Variants in TBC1D4 observed in about 807,000 individuals in gnomAD.
The protein encoded by TBC1D4 is TBC1 domain family member 4, also known as TBC (Tre-2, BUB2, CDC16) domain-containing protein.
Under a neutral mutation model 142.5 loss-of-function variants are expected in TBC1D4, and 121 were observed. The observed-to-expected ratio is 0.85, with a 90% CI of 0.73 to 0.99. The LOEUF is 0.99. Among genes scored for constraint, TBC1D4 ranks in the 50% least tolerant of loss-of-function variants. TBC1D4 has a pLI of 0.00. For synonymous variants in TBC1D4, 630 were observed against 628.2 expected (o/e 1.00, Z -0.04); for missense variants, 1,475 against 1,606.6 (o/e 0.92, Z 1.40).
intron 1 of TBC1D4, among the ~76,000 whole-genome samples, chr13:75,393,005 A>G (rs938779942): frequency 1.3e-5 from 2 of 151,998 alleles, no homozygotes; most frequent in Admixed American, 1.3e-4. Context: ...CTATTTTGCT[A>G]GAATTCCAAA....
At chr13:75,373,604 C>G (rs1883336647) in intron 1 of TBC1D4, among the ~76,000 whole-genome samples, 1 of 152,198 alleles carries the variant, frequency 6.6e-6, no homozygotes, top group Admixed American at 6.5e-5. Flanking sequence ...CCAACCCTCA[C>G]AGTAGAGGTC....
At chr13:75,294,195 T>C (rs1875638437) in intron 18 of TBC1D4, among the ~76,000 whole-genome samples, 1 of 152,170 alleles carries the variant, frequency 6.6e-6, no homozygotes, top group African/African-American at 2.4e-5. Context: ...AAAGGGGACA[T>C]AAACCATGTT....
chr13:75,348,934 G>C (rs1881364668), intron 5 of TBC1D4, among the ~76,000 whole-genome samples: 1 of 145,380 alleles, frequency 6.9e-6, no homozygotes. Context: ...AGAGAGGAGA[G>C]AGAGTAGAGA....
intron 1 of TBC1D4, among the ~76,000 whole-genome samples, chr13:75,471,762 A>G (rs1318857286): frequency 1.3e-5 from 2 of 150,720 alleles, no homozygotes; most frequent in Non-Finnish European, 2.9e-5. Flanking sequence ...GAAAGAAACT[A>G]GACAAAGATC....
chr13:75,371,131 G>C (rs1366652809), intron 1 of TBC1D4, among the ~76,000 whole-genome samples: 1 of 152,146 alleles, frequency 6.6e-6, no homozygotes, highest in African/African-American at 2.4e-5. Flanking sequence ...AAAATGGTGG[G>C]AGCTAAGGAC....
intron 1 of TBC1D4, among the ~76,000 whole-genome samples, chr13:75,474,188 AG>A (rs1317822974): frequency 6.6e-6 from 1 of 152,260 alleles, no homozygotes; most frequent in African/African-American, 2.4e-5. Context: ...TAATATGAGT[AG>A]GAAAAAGTGA....
At chr13:75,410,191 C>T (rs1213494653) in intron 1 of TBC1D4, among the ~76,000 whole-genome samples, 1 of 152,182 alleles carries the variant, frequency 6.6e-6, no homozygotes, top group African/African-American at 2.4e-5. Context: ...GATATATTCA[C>T]ATCACGTCCT....
chr13:75,411,608 C>T (rs985785104), intron 1 of TBC1D4, among the ~76,000 whole-genome samples: 3 of 151,354 alleles, frequency 2.0e-5, no homozygotes, highest in Admixed American at 6.6e-5. Context: ...TCACTGCAAC[C>T]TCTGCCTCCT....
At chr13:75,412,781 A>T (rs1202370889) in intron 1 of TBC1D4, among the ~76,000 whole-genome samples, 1 of 152,266 alleles carries the variant, frequency 6.6e-6, no homozygotes, top group Non-Finnish European at 1.5e-5. Flanking sequence ...AAGTTTCAGG[A>T]TTAATTCCCA....
At chr13:75,319,636 G>T (rs1183975047) in intron 12 of TBC1D4, among the ~76,000 whole-genome samples, 3 of 152,170 alleles carry the variant, frequency 2.0e-5, no homozygotes, top group Non-Finnish European at 4.4e-5. Flanking sequence ...CTTTTAGGAT[G>T]CTCATTTCTG....
chr13:75,305,008 T>C (rs901165857), intron 15 of TBC1D4, among the ~76,000 whole-genome samples: 4 of 152,176 alleles, frequency 2.6e-5, no homozygotes, highest in African/African-American at 9.7e-5. Flanking sequence ...GCTCCCATAA[T>C]TCCATGTGTA....
At chr13:75,410,297 G>C (rs934730528) in intron 1 of TBC1D4, among the ~76,000 whole-genome samples, 15 of 152,086 alleles carry the variant, frequency 9.9e-5, no homozygotes, top group African/African-American at 3.6e-4. Flanking sequence ...CCTAACCCAA[G>C]CCCATCTCCA....
At chr13:75,397,922 G>A (rs1266127882) in intron 1 of TBC1D4, among the ~76,000 whole-genome samples, 8 of 152,202 alleles carry the variant, frequency 5.3e-5, no homozygotes, top group Non-Finnish European at 1.2e-4. Context: ...TTCAAGCCGA[G>A]GTACTAAGGC....
intron 1 of TBC1D4, among the ~76,000 whole-genome samples, chr13:75,430,442 C>T (rs918317142): frequency 1.3e-5 from 2 of 152,338 alleles, no homozygotes; most frequent in East Asian, 3.9e-4. Context: ...CACCCAAGCA[C>T]GTACTTCAAA....
At chr13:75,302,222 T>C in intron 16 of TBC1D4, 21 bp downstream of exon 16, 1 of 1,614,066 alleles carries the variant, frequency 6.2e-7, no homozygotes, top group East Asian at 2.2e-5. Context: ...TTGTAAATTA[T>C]AATCCACATG....
chr13:75,285,566 T>G lies in TBC1D4; in HGVS notation c.*1226A>C, dbSNP rs1027627720. The G allele has an allele frequency of 6.6e-6, 1 of 152,612 alleles. No individual in the cohort carries two copies. The highest frequency in any genetic ancestry group is 1.5e-5 in the Non-Finnish European group (1 of 68,032). The allele number at this position is 152,612 out of a possible 1,614,324, so 9.5% of individuals were successfully genotyped here. ...ATGAGCTATTTGTAGGCTGAGGAAG[T>G]GAAGAGTTGAAATGCAGAATTGCAG... On this transcript the variant is annotated 3_prime_UTR_variant, in exon 21 of 21. Transcript: ENST00000377636.
At chr13:75,317,144 T>G (rs962766584) in intron 12 of TBC1D4, among the ~76,000 whole-genome samples, 1 of 152,150 alleles carries the variant, frequency 6.6e-6, no homozygotes, top group Non-Finnish European at 1.5e-5. Flanking sequence ...GATGCAAACC[T>G]AGGTGGTCCA....
At chr13:75,448,611 A>T (rs544827480) in intron 1 of TBC1D4, among the ~76,000 whole-genome samples, 13 of 151,806 alleles carry the variant, frequency 8.6e-5, no homozygotes, top group South Asian at 2.1e-4. Context: ...AAAACACCAT[A>T]AAAAAACTCC....
chr13:75,347,638 T>G (rs1881256225), intron 5 of TBC1D4, among the ~76,000 whole-genome samples: 2 of 152,284 alleles, frequency 1.3e-5, no homozygotes, highest in South Asian at 4.1e-4. Context: ...CTAAGCAGGA[T>G]GAATATAAGC....
Sources: allele counts gnomAD v4.1 joint callset (sites outside exome capture counted in the v4.1 genomes callset), GRCh38; gene constraint gnomAD v4.1.1; transcripts MANE v1.5; gene names NCBI Gene and HGNC (gene_info 2026-07-23, HGNC 2026-07-21).